MTHFD2L: variants seen among roughly 807,000 people sequenced by gnomAD.
The protein encoded by MTHFD2L is methylenetetrahydrofolate dehydrogenase (NADP+ dependent) 2 like.
Under a neutral mutation model 34.9 loss-of-function variants are expected in MTHFD2L, and 29 were observed. The observed-to-expected ratio is 0.83, with a 90% CI of 0.62 to 1.13. The LOEUF (loss-of-function observed/expected upper bound fraction) is 1.13, where lower values mean the gene tolerates loss of function less well. Among genes scored for constraint, MTHFD2L ranks in the 50% most tolerant of loss-of-function variants. MTHFD2L has a pLI of 0.00. For synonymous variants in MTHFD2L, 167 were observed against 155.7 expected (o/e 1.07, Z -0.54); for missense variants, 481 against 446.5 (o/e 1.08, Z -0.70).
At chr4:74,279,469 A>G (rs1305786361) in intron 6 of MTHFD2L, among the ~76,000 whole-genome samples, 1 of 152,066 alleles carries the variant, frequency 6.6e-6, no homozygotes, top group Non-Finnish European at 1.5e-5. Flanking sequence ...TATCCAAAAC[A>G]GACAAATATT....
At chr4:74,141,731 G>A (rs555653052) in intron 1 of MTHFD2L, among the ~76,000 whole-genome samples, 2 of 152,158 alleles carry the variant, frequency 1.3e-5, no homozygotes, top group African/African-American at 2.4e-5. Context: ...TATTATTCTT[G>A]TAACTAAAGG....
chr4:74,163,966 C>A (rs1169082758), intron 1 of MTHFD2L, among the ~76,000 whole-genome samples: 4 of 152,204 alleles, frequency 2.6e-5, no homozygotes, highest in African/African-American at 7.2e-5. Context: ...AACTCTGCCT[C>A]CCGGGTTCAT....
intron 7 of MTHFD2L, among the ~76,000 whole-genome samples, chr4:74,300,468 G>A (rs1750162733): frequency 2.6e-5 from 4 of 151,996 alleles, no homozygotes; most frequent in Admixed American, 2.0e-4. Context: ...TTTGATTCAT[G>A]CAGAAGTCTA....
intron 1 of MTHFD2L, chr4:74,165,248 G>A (rs1367059170): frequency 6.6e-6 from 1 of 152,604 alleles, no homozygotes; most frequent in Non-Finnish European, 1.5e-5. Flanking sequence ...TGAACATTCA[G>A]CATGAACAAT....
intron 6 of MTHFD2L, among the ~76,000 whole-genome samples, chr4:74,231,636 G>A (rs559346177): frequency 6.6e-6 from 1 of 152,258 alleles, no homozygotes; most frequent in African/African-American, 2.4e-5. Flanking sequence ...AAAATGCACA[G>A]GCCTTTCTAA....
intron 6 of MTHFD2L, among the ~76,000 whole-genome samples, chr4:74,269,305 G>A (rs769628482): frequency 4.0e-4 from 61 of 152,172 alleles, no homozygotes; most frequent in African/African-American, 1.2e-3. Context: ...TTCTTTGTGC[G>A]TTAGTGTATA....
intron 3 of MTHFD2L, among the ~76,000 whole-genome samples, chr4:74,178,046 A>G (rs1729384635): frequency 1.9e-5 from 1 of 51,420 alleles, no homozygotes; most frequent in Non-Finnish European, 1.7e-4. Flanking sequence ...TTTAAAAGTA[A>G]ACTCATGGAA....
chr4:74,241,541 G>A (rs777553346), intron 6 of MTHFD2L: 32 of 438,366 alleles, frequency 7.3e-5, no homozygotes, highest in Non-Finnish European at 9.6e-5. Context: ...ACCACCATGC[G>A]TAGCTAATTT....
In MTHFD2L at chr4:74,188,792, G is replaced by GTA. The variant is rs367550812; in HGVS notation, c.452-10992_452-10991dup. 3.4e-3 allele frequency among the ~76,000 whole-genome samples: 54 copies of GTA among 16,040 alleles called. 5 individuals are homozygous for GTA. Among genetic ancestry groups the GTA allele is most frequent in the Non-Finnish European group, 0.013 (39 of 3,052 alleles). 10.5% of individuals were successfully genotyped at this position (16,040 alleles called of 152,430 possible). ...TGTATACATATGTATATATATATGG[G>GTA]TATATATATATGTGTATACATATGT... On this transcript the variant is annotated intron_variant, in intron 3 of 7. Transcript: ENST00000325278.
intron 1 of MTHFD2L, among the ~76,000 whole-genome samples, chr4:74,167,812 C>T (rs1490827126): frequency 1.3e-5 from 2 of 152,198 alleles, no homozygotes; most frequent in Non-Finnish European, 1.5e-5. Flanking sequence ...GTAGCTCATG[C>T]AGAAGTGTGT....
At chr4:74,297,597 G>A (rs1477284918) in intron 7 of MTHFD2L, among the ~76,000 whole-genome samples, 1 of 151,982 alleles carries the variant, frequency 6.6e-6, no homozygotes, top group African/African-American at 2.4e-5. Context: ...ACACATAATA[G>A]GATTAATATT....
intron 1 of MTHFD2L, among the ~76,000 whole-genome samples, chr4:74,162,738 T>G (rs1725734225): frequency 6.6e-6 from 1 of 152,106 alleles, no homozygotes; most frequent in African/African-American, 2.4e-5. Context: ...GTTAACAGAT[T>G]GAGAAATTGA....
At chr4:74,274,732 A>G (rs1746399306) in intron 6 of MTHFD2L, among the ~76,000 whole-genome samples, 1 of 152,148 alleles carries the variant, frequency 6.6e-6, no homozygotes, top group Non-Finnish European at 1.5e-5. Flanking sequence ...ATTGATTCTG[A>G]GCATCTCTTC....
At chr4:74,229,468 A>G (rs1378851367) in intron 6 of MTHFD2L, among the ~76,000 whole-genome samples, 1 of 152,130 alleles carries the variant, frequency 6.6e-6, no homozygotes, top group Non-Finnish European at 1.5e-5. Context: ...AAACAACCTC[A>G]TCTAGGAGAA....
At chr4:74,188,508 G>A (rs893785803) in intron 3 of MTHFD2L, among the ~76,000 whole-genome samples, 3 of 152,068 alleles carry the variant, frequency 2.0e-5, no homozygotes, top group Non-Finnish European at 4.4e-5. Flanking sequence ...AAGTGTTACA[G>A]CTTTAATATA....
At chr4:74,299,878 A>G (rs1335525970) in intron 7 of MTHFD2L, among the ~76,000 whole-genome samples, 1 of 152,050 alleles carries the variant, frequency 6.6e-6, no homozygotes, top group East Asian at 1.9e-4. Context: ...TTGGAAATAT[A>G]GATGGTGGGG....
chr4:74,268,038 G>C (rs777662169), intron 6 of MTHFD2L: 8 of 985,006 alleles, frequency 8.1e-6, no homozygotes, highest in Non-Finnish European at 9.6e-6. Context: ...AGGCATATCT[G>C]TTCAGATAGG....
Position 74,213,781 on chromosome 4 carries a change from G to A in MTHFD2L, c.713-11521G>A, listed in dbSNP as rs186701882. On this transcript the variant is annotated intron_variant, in intron 5 of 7. Coordinates refer to ENST00000325278, the MANE Select transcript of MTHFD2L (RefSeq NM_001144978.3). Reference sequence around the variant, plus strand: ...TTGCTAGGTTGGGGAAGTTCTCCTGGATAATATCCTGAAGAGTGTTTTCCA... The same window carrying A: ...TTGCTAGGTTGGGGAAGTTCTCCTGAATAATATCCTGAAGAGTGTTTTCCA... 7.9e-4 allele frequency among the ~76,000 whole-genome samples: 121 copies of A among 152,254 alleles called. 1 individual carries two copies. The East Asian group carries it at 0.015, about 18-fold the overall frequency.
chr4:74,217,787 A>C (rs1737442418), intron 5 of MTHFD2L, among the ~76,000 whole-genome samples: 1 of 151,948 alleles, frequency 6.6e-6, no homozygotes, highest in African/African-American at 2.4e-5. Context: ...CTTATCATGA[A>C]ATTTCTTACA....
Sources: allele counts gnomAD v4.1 joint callset (sites outside exome capture counted in the v4.1 genomes callset), GRCh38; gene constraint gnomAD v4.1.1; transcripts MANE v1.5; gene names NCBI Gene and HGNC (gene_info 2026-07-23, HGNC 2026-07-21).